The following FHIP1A variants were observed in gnomAD, a reference collection of about 807,000 sequenced individuals.
FHIP1A encodes the protein FHF complex subunit HOOK-interacting protein 1A.
FHIP1A carries 61 observed loss-of-function variants against 88.6 expected under a neutral mutation model. The ratio of observed to expected loss-of-function variants is 0.69; its 90% CI spans 0.56 to 0.85. The LOEUF is 0.85. Among genes scored for constraint, FHIP1A ranks in the 40% least tolerant of loss-of-function variants. The pLI, the probability that FHIP1A is intolerant of heterozygous loss-of-function variation, is 0.00. For missense variants in FHIP1A, 1,154 were observed against 1,273.5 expected, an observed-to-expected ratio of 0.91 and a Z score of 1.43; for synonymous variants, 478 against 496.0, an observed-to-expected ratio of 0.96 and a Z score of 0.48.
chr4:151,434,270 A>G (rs1173075814), intron 1 of FHIP1A, among the ~76,000 whole-genome samples: 1 of 152,150 alleles, frequency 6.6e-6, no homozygotes, highest in African/African-American at 2.4e-5. Context: ...TGCATTTCTC[A>G]TAAGCTATCT....
chr4:151,508,849 CTCTT>C (rs1357932759), intron 3 of FHIP1A, among the ~76,000 whole-genome samples: 22 of 152,276 alleles, frequency 1.4e-4, no homozygotes, highest in South Asian at 1.2e-3. Flanking sequence ...TTTACATACT[CTCTT>C]TCTCCCCAGC....
At chr4:151,502,136 G>C (rs1730670876) in intron 3 of FHIP1A, among the ~76,000 whole-genome samples, 1 of 143,412 alleles carries the variant, frequency 7.0e-6, no homozygotes, top group Non-Finnish European at 1.5e-5. Flanking sequence ...GGCAACATAG[G>C]GAGAATCTGT....
intron 3 of FHIP1A, among the ~76,000 whole-genome samples, chr4:151,487,856 G>A (rs574437701): frequency 1.3e-5 from 2 of 152,370 alleles, no homozygotes; most frequent in East Asian, 1.9e-4. Flanking sequence ...TGGTTCTAGA[G>A]CATGTAGTCC....
rs546420388 is a variant in FHIP1A at position 151,599,489 on chromosome 4, T to C, written c.978+10563T>C. On this transcript the variant is annotated intron_variant, in intron 7 of 13. Transcript: ENST00000435205. ...GGGAAGGCTGGGAGAGCTTTCAGACTGCAACACCAATCTGACCCCAAGTGA... is the reference window on the plus strand; with the variant it reads ...GGGAAGGCTGGGAGAGCTTTCAGACCGCAACACCAATCTGACCCCAAGTGA... 2.0e-5 allele frequency among the ~76,000 whole-genome samples: 3 copies of C among 152,294 alleles called. No homozygotes were observed. The South Asian group carries it at 6.2e-4, about 32-fold the overall frequency.
At chr4:151,426,680 C>A (rs1034969983) in intron 1 of FHIP1A, among the ~76,000 whole-genome samples, 3 of 152,160 alleles carry the variant, frequency 2.0e-5, no homozygotes, top group African/African-American at 7.2e-5. Flanking sequence ...AGGTCCCCAT[C>A]TTTCAGCTGT....
In FHIP1A at chr4:151,650,664, G is replaced by A. The variant is rs1005364373; in HGVS notation, c.2551+72G>A. 7 of 1,461,892 alleles carry A rather than the reference G, an allele frequency of 4.8e-6. No homozygotes were observed. The South Asian group carries it at 5.9e-5, about 12-fold the overall frequency. 90.6% of individuals were successfully genotyped at this position (1,461,892 alleles called of 1,614,324 possible). A position where few individuals can be genotyped will look rare whatever the true frequency, so the allele number is the denominator to read the frequency against. On this transcript the variant is annotated intron_variant, in intron 11 of 13. Coordinates refer to ENST00000435205, the MANE Select transcript of FHIP1A (RefSeq NM_001109977.3). ...GTATATATTGGAACAGGAAAGGAAG[G>A]TAGGAAAAGGTAAGGGATATTATCG...
intron 11 of FHIP1A, 45 bp downstream of exon 11, chr4:151,650,637 T>C: frequency 6.7e-7 from 1 of 1,499,708 alleles, no homozygotes; most frequent in South Asian, 1.4e-5. Flanking sequence ...TCGAAAGTAC[T>C]TGTATATATT....
intron 1 of FHIP1A, among the ~76,000 whole-genome samples, chr4:151,428,286 G>A (rs776662558): frequency 1.3e-5 from 2 of 152,118 alleles, no homozygotes; most frequent in Non-Finnish European, 2.9e-5. Flanking sequence ...ATATGATGCG[G>A]AAGGCTGATT....
rs144395280 is a variant in FHIP1A, at chr4:151,513,459, C to A, written c.-123+30811C>A. ...TCAAATTCACATATAACTATATTAA[C>A]TTTAAATGTAAATGGACTAAATGCT... On this transcript the variant is annotated intron_variant, in intron 3 of 13. Coordinates refer to ENST00000435205, the MANE Select transcript of FHIP1A (RefSeq NM_001109977.3). 3.3e-3 allele frequency among the ~76,000 whole-genome samples: 506 copies of A among 152,266 alleles called. 1 individual carries two copies. The highest frequency in any genetic ancestry group is 5.3e-3 in the Non-Finnish European group (359 of 68,036).
At chr4:151,511,431 G>A (rs1312385309) in intron 3 of FHIP1A, among the ~76,000 whole-genome samples, 1 of 152,212 alleles carries the variant, frequency 6.6e-6, no homozygotes, top group African/African-American at 2.4e-5. Flanking sequence ...CAGACAGTGG[G>A]CGCAGGACAG....
intron 4 of FHIP1A, among the ~76,000 whole-genome samples, chr4:151,567,627 C>T (rs913091343): frequency 1.3e-5 from 2 of 151,994 alleles, no homozygotes; most frequent in African/African-American, 2.4e-5. Context: ...ATCTCCAAGG[C>T]GAGGTGGTGA....
intron 3 of FHIP1A, among the ~76,000 whole-genome samples, chr4:151,487,641 A>T (rs1003988865): frequency 2.7e-4 from 41 of 152,344 alleles, no homozygotes; most frequent in African/African-American, 9.6e-4. Flanking sequence ...CATCAACCAA[A>T]TGTAGCTAAC....
intron 9 of FHIP1A, among the ~76,000 whole-genome samples, chr4:151,643,978 C>T (rs1327497919): frequency 6.6e-6 from 1 of 152,142 alleles, no homozygotes; most frequent in Non-Finnish European, 1.5e-5. Context: ...AGCTTTGATC[C>T]AGTGTTCCAT....
chr4:151,468,745 GC>G (rs1395171255), intron 2 of FHIP1A, among the ~76,000 whole-genome samples: 1 of 152,140 alleles, frequency 6.6e-6, no homozygotes, highest in Admixed American at 6.6e-5. Flanking sequence ...ACTTACCAGG[GC>G]CTCATTTGTC....
rs778678888 is a variant in FHIP1A at position 151,578,076 on chromosome 4, A to G, written c.732A>G (p.Pro244=). Residue 244 remains proline, a splice_region_variant and synonymous_variant, in exon 5 of 14, where the codon CCA becomes CCG. Coordinates refer to ENST00000435205, the MANE Select transcript of FHIP1A (RefSeq NM_001109977.3). ...HHIVENTYFC[P]VLATGLSGLY... is the part of the protein sequence containing the mutation. Reference sequence around the variant, plus strand: ...TCGTGGAGAACACCTACTTTTGTCCAGTAAGTCTCTTTCCTTGGCATGTTT... The same window carrying G: ...TCGTGGAGAACACCTACTTTTGTCCGGTAAGTCTCTTTCCTTGGCATGTTT... 1 of 1,547,060 alleles carries G rather than the reference A, an allele frequency of 6.5e-7. No individual in the cohort carries two copies.
chr4:151,651,795 C>G (rs1737039759), intron 11 of FHIP1A, among the ~76,000 whole-genome samples: 1 of 152,132 alleles, frequency 6.6e-6, no homozygotes, highest in South Asian at 2.1e-4. Flanking sequence ...TTTACTGATG[C>G]CTGAAGATTT....
intron 1 of FHIP1A, among the ~76,000 whole-genome samples, chr4:151,414,596 G>C (rs1474755146): frequency 6.6e-6 from 1 of 152,122 alleles, no homozygotes; most frequent in African/African-American, 2.4e-5. Context: ...CTGGAATTTG[G>C]ACTAAACTTT....
intron 3 of FHIP1A, among the ~76,000 whole-genome samples, chr4:151,496,832 G>A (rs528524351): frequency 1.3e-5 from 2 of 150,580 alleles, no homozygotes; most frequent in African/African-American, 4.9e-5. Flanking sequence ...AAAGTGCTGG[G>A]ATTACAGGTG....
chr4:151,586,497 G>A lies in FHIP1A; in HGVS notation c.733-144G>A, dbSNP rs1054790909. The A allele has an allele frequency of 8.7e-6, 5 of 573,178 alleles. No individual in the cohort carries two copies. The South Asian group carries it at 1.2e-4, about 14-fold the overall frequency. The allele number at this position is 573,178 out of a possible 1,614,324, so 35.5% of individuals were successfully genotyped here. On this transcript the variant is annotated intron_variant, in intron 5 of 13. Transcript: ENST00000435205. ...TCACCTGTTTGCATCGTTTTTAGCT[G>A]GCTGACGGGCTCTTATACCTTTAAT...
Sources: allele counts gnomAD v4.1 joint callset (sites outside exome capture counted in the v4.1 genomes callset), GRCh38; gene constraint gnomAD v4.1.1; transcripts MANE v1.5; gene names NCBI Gene and HGNC (gene_info 2026-07-23, HGNC 2026-07-21).